The following CRACR2A variants were observed in gnomAD, a reference collection of about 807,000 sequenced individuals.
The protein encoded by CRACR2A is calcium release activated channel regulator 2A, also known as EF-hand calcium-binding domain-containing protein 4B.
A neutral mutation model predicts 90.5 loss-of-function variants in CRACR2A; 79 were observed. The ratio of observed to expected loss-of-function variants is 0.87; its 90% CI spans 0.73 to 1.05. CRACR2A has a LOEUF of 1.05. CRACR2A is among the 50% of genes least tolerant of loss of function. The probability of loss-of-function intolerance (pLI) is 0.00; values close to 1 mark genes in which losing one functional copy is unlikely to be tolerated. For missense variants in CRACR2A, 823 were observed against 897.2 expected, an observed-to-expected ratio of 0.92 and a Z score of 1.06; for synonymous variants, 338 against 356.7, an observed-to-expected ratio of 0.95 and a Z score of 0.59.
intron 2 of CRACR2A, 106 bp from the exon 3 acceptor site, chr12:3,713,423 T>C: frequency 2.7e-6 from 1 of 371,836 alleles, no homozygotes; most frequent in Non-Finnish European, 3.7e-6. Context: ...ACATTGCTCC[T>C]ACCGCATTGC....
At chr12:3,742,488 C>G (rs887513) in intron 1 of CRACR2A, among the ~76,000 whole-genome samples, 29,952 of 152,108 alleles carry the variant, frequency 0.2, 3,466 homozygotes, top group Admixed American at 0.29. Context: ...ACAACATCCC[C>G]GTCTAGACGA....
rs1425873156 is a variant in CRACR2A at position 3,619,300 on chromosome 12, G to A, written c.2005C>T (p.Pro669Ser). 1 of 1,551,642 alleles carries A rather than the reference G, an allele frequency of 6.4e-7. No individual in the cohort carries two copies. The highest frequency in any genetic ancestry group is 2.0e-5 in the Admixed American group (1 of 51,000). Residue 669 changes from proline to serine, a missense_variant, in exon 18 of 20, where the codon CCC becomes TCC. By Grantham distance (74) the Pro-to-Ser change is moderately conservative (BLOSUM62 -1). Transcript: ENST00000440314. ...GCAAGCTGCTCTCCGAGGCCCCGGG[G>A]GACTTCCCGCTCCTTCTCGTTGTCA... is the stretch of plus-strand genomic sequence containing the variant. Reference protein sequence around the residue: ...KLDNEKEREVPRGLGEQLATE... With the variant: ...KLDNEKEREVSRGLGEQLATE...
intron 6 of CRACR2A, among the ~76,000 whole-genome samples, chr12:3,674,754 T>C (rs949828798): frequency 9.2e-5 from 14 of 152,208 alleles, no homozygotes; most frequent in Non-Finnish European, 5.9e-5. Context: ...TGGGCACATA[T>C]GTATTTTCCA....
At chr12:3,681,245 CCTG>C (rs1287255009) in intron 4 of CRACR2A, among the ~76,000 whole-genome samples, 1 of 152,202 alleles carries the variant, frequency 6.6e-6, no homozygotes, top group Non-Finnish European at 1.5e-5. Flanking sequence ...ACTCCAGCTC[CCTG>C]CTGACTGGTA....
rs142859088 is a variant in CRACR2A at position 3,652,299 on chromosome 12, T to C, written c.1046+1913A>G. On this transcript the variant is annotated intron_variant, in intron 10 of 19. Coordinates refer to ENST00000440314, the MANE Select transcript of CRACR2A (RefSeq NM_001144958.2). Reference sequence around the variant, plus strand: ...TCAAGAGCCTGCATCCTTAATTCTGTTTGTAAAGCTAAATGCCTGTACCTT... The same window carrying C: ...TCAAGAGCCTGCATCCTTAATTCTGCTTGTAAAGCTAAATGCCTGTACCTT... 2.4e-4 allele frequency among the ~76,000 whole-genome samples: 36 copies of C among 152,334 alleles called. No individual in the cohort carries two copies. In the East Asian group the frequency reaches 5.8e-3, roughly 24 times the overall value.
intron 1 of CRACR2A, among the ~76,000 whole-genome samples, chr12:3,745,825 T>TAAAATAAAAGAAAAGAAAAGAAAG (rs149739964): frequency 1.4e-4 from 14 of 100,534 alleles, no homozygotes; most frequent in African/African-American, 5.2e-4. Flanking sequence ...TAAAATAAAA[T>TAAAATAAAAGAAAAGAAAAGAAAG]AAAGAAAGAA....
In CRACR2A at chr12:3,659,587, C is replaced by T. The variant is rs1212524112; in HGVS notation, c.739G>A (p.Glu247Lys). The change falls in exon 8 of 20, where the codon GAG becomes AAG. Residue 247 changes from glutamate to lysine, a missense_variant. Physicochemically the swap from Glu to Lys is moderately conservative, Grantham distance 56 (BLOSUM62 1). Coordinates refer to ENST00000440314, the MANE Select transcript of CRACR2A (RefSeq NM_001144958.2). ...ACCTTCAGGAGAAACTGCTCCTTCT[C>T]ACTTTTGATTTGTTGTTCCATCTCC... The part of the protein sequence containing the change: ...YEEMEQQIKS[E>K]KEQFLLKDTE... 6.2e-7 allele frequency: 1 copy of T among 1,614,214 alleles called. No homozygotes were observed. The highest frequency in any genetic ancestry group is 8.5e-7 in the Non-Finnish European group (1 of 1,180,036).
rs1263263599 is a variant in CRACR2A at position 3,638,462 on chromosome 12, G to A, written c.1272-8C>T. The stretch of plus-strand genomic sequence containing the variant: ...TCCTCCTCCTCTGACTGGCTACTGG[G>A]GCGGGGAAGAGAGAAGAGTTGGGAG... On this transcript the variant is annotated splice_polypyrimidine_tract_variant and splice_region_variant and intron_variant, in intron 13 of 19. Transcript: ENST00000440314. 1.3e-6 allele frequency: 2 copies of A among 1,527,640 alleles called. No homozygotes were observed. Among genetic ancestry groups the A allele is most frequent in the African/African-American group, 1.4e-5 (1 of 71,798 alleles). The allele number at this position is 1,527,640 out of a possible 1,614,324, so 94.6% of individuals were successfully genotyped here.
intron 9 of CRACR2A, among the ~76,000 whole-genome samples, chr12:3,655,198 G>A (rs1373442559): frequency 6.6e-6 from 1 of 152,214 alleles, no homozygotes. Context: ...GTGTAATCAG[G>A]CAAGCATGCA....
chr12:3,703,289 C>CGTG (rs1945862441), intron 3 of CRACR2A, among the ~76,000 whole-genome samples: 6 of 152,228 alleles, frequency 3.9e-5, no homozygotes, highest in East Asian at 1.9e-4. Flanking sequence ...GGGGTTTCAC[C>CGTG]ATAGCCAGGA....
At chr12:3,666,622 A>G (rs1043098869) in intron 7 of CRACR2A, among the ~76,000 whole-genome samples, 3 of 152,242 alleles carry the variant, frequency 2.0e-5, no homozygotes, top group African/African-American at 7.2e-5. Flanking sequence ...TAACCTTCAC[A>G]AAGTGTTTTG....
chr12:3,695,976 G>A (rs971895295), intron 4 of CRACR2A, among the ~76,000 whole-genome samples: 2 of 152,252 alleles, frequency 1.3e-5, no homozygotes, highest in African/African-American at 4.8e-5. Context: ...TGTGGCTAGT[G>A]AGTTAAGCCT....
chr12:3,721,862 G>A (rs1450843873), intron 2 of CRACR2A, among the ~76,000 whole-genome samples: 2 of 152,164 alleles, frequency 1.3e-5, no homozygotes, highest in Admixed American at 1.3e-4. Context: ...GTGGGGAGGG[G>A]AAGGGAGATG....
intron 12 of CRACR2A, among the ~76,000 whole-genome samples, chr12:3,643,120 A>G (rs1944603893): frequency 6.6e-6 from 1 of 152,058 alleles, no homozygotes; most frequent in Admixed American, 6.6e-5. Context: ...TTACTTCTAA[A>G]ACAATTATAA....
chr12:3,710,638 C>T (rs1328204019), intron 3 of CRACR2A, among the ~76,000 whole-genome samples: 1 of 151,910 alleles, frequency 6.6e-6, no homozygotes, highest in Non-Finnish European at 1.5e-5. Context: ...ACTAAAAATA[C>T]AAAAATTAGC....
intron 10 of CRACR2A, among the ~76,000 whole-genome samples, chr12:3,651,502 A>T (rs1013619201): frequency 5.9e-5 from 9 of 152,262 alleles, no homozygotes; most frequent in Admixed American, 5.9e-4. Context: ...ATTAAAAAAC[A>T]GAGTTGCTGC....
At position 3,633,749 on chromosome 12, in the gene CRACR2A, C is replaced by A. The variant is rs964458554; in HGVS notation, c.1603-13G>T. 4 of 1,551,570 alleles carry A rather than the reference C, an allele frequency of 2.6e-6. No homozygotes were observed. The South Asian group carries it at 3.6e-5, about 14-fold the overall frequency. ...GAGAGCTTTCCTCCTGTGGATGGCA[C>A]ACAATCTGACCAACTGCAGGGAATA... On this transcript the variant is annotated splice_polypyrimidine_tract_variant and intron_variant, in intron 14 of 19. Coordinates refer to ENST00000440314, the MANE Select transcript of CRACR2A (RefSeq NM_001144958.2). The surrounding 1 kb of genome is among the most constrained non-coding windows in gnomAD (Gnocchi z 4.5).
At chr12:3,688,059 G>T (rs1024540542) in intron 4 of CRACR2A, among the ~76,000 whole-genome samples, 2 of 152,058 alleles carry the variant, frequency 1.3e-5, no homozygotes, top group African/African-American at 4.8e-5. Context: ...TTATAAATTT[G>T]TGTAAGTTCC....
At chr12:3,636,713 G>A (rs1443525028) in intron 14 of CRACR2A, among the ~76,000 whole-genome samples, 1 of 151,678 alleles carries the variant, frequency 6.6e-6, no homozygotes, top group African/African-American at 2.4e-5. Context: ...CATTGAAGGG[G>A]ATGTGGAAGG....
Sources: allele counts gnomAD v4.1 joint callset (sites outside exome capture counted in the v4.1 genomes callset), GRCh38; gene constraint gnomAD v4.1.1; non-coding constraint Gnocchi (gnomAD v3.1); transcripts MANE v1.5; gene names NCBI Gene and HGNC (gene_info 2026-07-23, HGNC 2026-07-21).